Variants in STK32A observed in about 807,000 individuals in gnomAD.
STK32A encodes serine/threonine-protein kinase 32A.
Under a neutral mutation model 53.2 loss-of-function variants are expected in STK32A, and 41 were observed. The ratio of observed to expected loss-of-function variants is 0.77; its 90% CI spans 0.60 to 1.00. STK32A has a LOEUF of 1.00. Among genes scored for constraint, STK32A ranks in the 50% least tolerant of loss-of-function variants. STK32A has a pLI of 0.00. For missense variants in STK32A, 458 were observed against 485.8 expected, an observed-to-expected ratio of 0.94 and a Z score of 0.54; for synonymous variants, 166 against 162.8, an observed-to-expected ratio of 1.02 and a Z score of -0.15.
intron 1 of STK32A, 51 bp from the exon 2 acceptor site, chr5:147,239,488 G>C (rs1009964267): frequency 1.6e-6 from 1 of 610,612 alleles, no homozygotes; most frequent in Non-Finnish European, 2.9e-6. Context: ...TATACTCAGG[G>C]TGCCTAGAGT....
chr5:147,351,912 G>A (rs143153772), intron 7 of STK32A, among the ~76,000 whole-genome samples: 1 of 152,074 alleles, frequency 6.6e-6, no homozygotes, highest in African/African-American at 2.4e-5. Flanking sequence ...ATAATAAGTG[G>A]CAAAGTATTA....
At chr5:147,395,598 G>A in the STK32A span, 1 of 1,613,890 alleles carries the variant, frequency 6.2e-7, no homozygotes, top group Non-Finnish European at 8.5e-7. Context: ...TTCCTCACAG[G>A]TGGGTTCGGC....
Position 147,384,217 on chromosome 5 carries a change from T to C in STK32A, c.*234T>C, listed in dbSNP as rs1473210139. 1 of 1,376,312 alleles carries C rather than the reference T, an allele frequency of 7.3e-7. No individual in the cohort carries two copies. Among genetic ancestry groups the C allele is most frequent in the Non-Finnish European group, 9.4e-7 (1 of 1,062,834 alleles). The allele number at this position is 1,376,312 out of a possible 1,614,324, so 85.3% of individuals were successfully genotyped here. A position where few individuals can be genotyped will look rare whatever the true frequency, so the allele number is the denominator to read the frequency against. ...TAGAGCAAGTCACTTAGCCACTTTC[T>C]GTGCTTTACTTTATTTATCTAAAAT... On this transcript the variant is annotated 3_prime_UTR_variant, in exon 13 of 13. Coordinates refer to ENST00000397936, the MANE Select transcript of STK32A (RefSeq NM_001112724.2).
chr5:147,337,172 T>A (rs1755176646), intron 5 of STK32A, among the ~76,000 whole-genome samples: 1 of 152,180 alleles, frequency 6.6e-6, no homozygotes, highest in Non-Finnish European at 1.5e-5. Context: ...CTCTGCTATT[T>A]ATAGTTCTCA....
chr5:147,362,518 A>G (rs952898443), intron 8 of STK32A, among the ~76,000 whole-genome samples: 4 of 152,198 alleles, frequency 2.6e-5, no homozygotes, highest in Admixed American at 1.3e-4. Context: ...AAATACCATC[A>G]AATTGAGGGT....
At chr5:147,368,076 T>G (rs931396183) in intron 8 of STK32A, among the ~76,000 whole-genome samples, 1 of 152,264 alleles carries the variant, frequency 6.6e-6, no homozygotes, top group Non-Finnish European at 1.5e-5. Flanking sequence ...GGTTTCAGTC[T>G]TAATGAATGT....
rs568110669 is a variant in STK32A at position 147,349,575 on chromosome 5, A to G, written c.473-1490A>G. Among the ~76,000 whole-genome samples the G allele has an allele frequency of 2.4e-3, 371 of 152,290 alleles. 1 individual carries two copies. The highest frequency in any genetic ancestry group is 3.9e-3 in the Non-Finnish European group (265 of 68,026). The stretch of plus-strand genomic sequence containing the variant: ...GCTGTAAATGCAGGGACCCTAGAGC[A>G]CCTCATAGAGTGTGTTCCCTGCCAC... On this transcript the variant is annotated intron_variant, in intron 6 of 12. Coordinates refer to ENST00000397936, the MANE Select transcript of STK32A (RefSeq NM_001112724.2).
intron 2 of STK32A, among the ~76,000 whole-genome samples, chr5:147,276,062 C>A (rs1424799009): frequency 6.6e-6 from 1 of 152,138 alleles, no homozygotes; most frequent in Non-Finnish European, 1.5e-5. Flanking sequence ...AAGATAAAAT[C>A]TTGAATTTGC....
At chr5:147,305,551 C>T (rs1316000737) in intron 4 of STK32A, among the ~76,000 whole-genome samples, 1 of 152,086 alleles carries the variant, frequency 6.6e-6, no homozygotes, top group East Asian at 1.9e-4. Flanking sequence ...TAATAAGAGC[C>T]AACTCCACAT....
chr5:147,373,098 G>A, intron 9 of STK32A, 71 bp from the exon 10 acceptor site: 1 of 1,588,520 alleles, frequency 6.3e-7, no homozygotes, highest in Non-Finnish European at 8.6e-7. Context: ...AGCATTTAGA[G>A]GGAATTTGTA....
intron 11 of STK32A, among the ~76,000 whole-genome samples, chr5:147,377,729 A>C (rs1646801180): frequency 6.6e-6 from 1 of 152,162 alleles, no homozygotes; most frequent in South Asian, 2.1e-4. Flanking sequence ...TTTAACACCA[A>C]GAGCATTTTT....
intron 5 of STK32A, among the ~76,000 whole-genome samples, chr5:147,340,425 A>C (rs1279704712): frequency 2.0e-5 from 3 of 152,232 alleles, no homozygotes; most frequent in African/African-American, 7.2e-5. Flanking sequence ...ACATTTTGTA[A>C]GTTATTTCAT....
downstream of STK32A, among the ~76,000 whole-genome samples, chr5:147,389,390 G>A (rs1294943184): frequency 6.6e-6 from 1 of 152,164 alleles, no homozygotes; most frequent in Non-Finnish European, 1.5e-5. Context: ...CAGGGGCCAG[G>A]TATGTTATCC....
intron 11 of STK32A, among the ~76,000 whole-genome samples, chr5:147,377,742 G>A (rs1021813025): frequency 3.3e-5 from 5 of 152,090 alleles, no homozygotes; most frequent in African/African-American, 1.2e-4. Context: ...GCATTTTTAA[G>A]TTGTTTTTCT....
At chr5:147,363,741 A>C (rs971437688) in intron 8 of STK32A, among the ~76,000 whole-genome samples, 7 of 152,206 alleles carry the variant, frequency 4.6e-5, no homozygotes, top group African/African-American at 1.4e-4. Context: ...TTGATTGTTC[A>C]GCTACACTCT....
At chr5:147,339,501 A>G (rs1181811019) in intron 5 of STK32A, among the ~76,000 whole-genome samples, 2 of 152,248 alleles carry the variant, frequency 1.3e-5, no homozygotes, top group Non-Finnish European at 2.9e-5. Flanking sequence ...CTAGGGCACC[A>G]CCTAGTGGAG....
At position 147,372,269 on chromosome 5, in the gene STK32A, C is replaced by CTTTTTTTTTTTTTTTTTTTTTT. The variant is rs71274369; in HGVS notation, c.778-891_778-870dup. On this transcript the variant is annotated intron_variant, in intron 9 of 12. Coordinates refer to ENST00000397936, the MANE Select transcript of STK32A (RefSeq NM_001112724.2). ...GGGGCCCAAGAGGAATGGGCTTGGCCTTTTTTTTTTTTTTTTTTTTTTTTT... is the reference window on the plus strand; with the variant it reads ...GGGGCCCAAGAGGAATGGGCTTGGCCTTTTTTTTTTTTTTTTTTTTTTTTTTTTTTTTTTTTTTTTTTTTTTT... Among the ~76,000 whole-genome samples the CTTTTTTTTTTTTTTTTTTTTTT allele has an allele frequency of 4.1e-5, 2 of 49,332 alleles. 1 individual carries two copies. Among genetic ancestry groups the CTTTTTTTTTTTTTTTTTTTTTT allele is most frequent in the East Asian group, 1.8e-3 (2 of 1,134 alleles). The allele number at this position is 49,332 out of a possible 152,430, so 32.4% of individuals were successfully genotyped here.
At chr5:147,260,295 G>GTCTCTC (rs71001423) in intron 2 of STK32A, among the ~76,000 whole-genome samples, 2,496 of 117,122 alleles carry the variant, frequency 0.021, 152 homozygotes, top group African/African-American at 0.077. Context: ...TCTCTCGCCT[G>GTCTCTC]TCTCTCTCTC....
intron 5 of STK32A, among the ~76,000 whole-genome samples, chr5:147,327,756 T>C (rs556069101): frequency 2.4e-4 from 37 of 152,316 alleles, no homozygotes; most frequent in Admixed American, 1.4e-3. Flanking sequence ...CAAGTTTGCA[T>C]GGCTATTAAG....
Sources: gnomAD v4.1 joint callset for allele counts (sites outside exome capture counted in the v4.1 genomes callset) on GRCh38, gnomAD v4.1.1 for gene constraint, MANE v1.5 for transcripts, NCBI Gene and HGNC (gene_info 2026-07-23, HGNC 2026-07-21) for gene names.